The following RSRC1 variants were observed in gnomAD, a reference collection of about 807,000 sequenced individuals.
The protein encoded by RSRC1 is serine/Arginine-related protein 53.
In RSRC1, 39 loss-of-function variants were observed where a neutral mutation model predicts 49.1. That is an observed-to-expected ratio of 0.79 (90% CI 0.61 to 1.04). RSRC1 has a LOEUF of 1.04. RSRC1 is among the 50% of genes least tolerant of loss of function. The probability of loss-of-function intolerance (pLI) is 0.00; values close to 1 mark genes in which losing one functional copy is unlikely to be tolerated. For missense variants in RSRC1, 388 were observed against 402.4 expected (o/e 0.96, Z 0.31); for synonymous variants, 143 against 130.8 (o/e 1.09, Z -0.63).
chr3:158,207,670 G>GATAGATAGATAGATAGAT (rs1559943262), intron 4 of RSRC1, among the ~76,000 whole-genome samples: 3 of 67,160 alleles, frequency 4.5e-5, no homozygotes, highest in Non-Finnish European at 2.9e-5. Context: ...GATAGACAGA[G>GATAGATAGATAGATAGAT]AGACAGACAG....
In RSRC1 at chr3:158,296,222, A is replaced by G. The variant is rs1173571354; in HGVS notation, c.495-1817A>G. 2.6e-5 allele frequency among the ~76,000 whole-genome samples: 4 copies of G among 152,250 alleles called. No homozygotes were observed. The South Asian group carries it at 8.3e-4, about 32-fold the overall frequency. ...AGAAAGCGAAGTAGATGTGTATTAT[A>G]TAGCACAGACTCTAAGATAGATTGC... On this transcript the variant is annotated intron_variant, in intron 4 of 9. Coordinates refer to ENST00000611884, the MANE Select transcript of RSRC1 (RefSeq NM_001271838.2).
intron 4 of RSRC1, among the ~76,000 whole-genome samples, chr3:158,269,387 C>G (rs891849044): frequency 1.2e-4 from 18 of 152,098 alleles, no homozygotes; most frequent in Admixed American, 1.2e-3. Flanking sequence ...TTATCATATT[C>G]TCAAATTTTG....
At chr3:158,188,309 A>G (rs929661550) in intron 3 of RSRC1, among the ~76,000 whole-genome samples, 6 of 152,002 alleles carry the variant, frequency 3.9e-5, no homozygotes, top group African/African-American at 1.4e-4. Context: ...TTTGTAGATT[A>G]GAACTCATCA....
chr3:158,375,367 T>C (rs1357690672), intron 6 of RSRC1, among the ~76,000 whole-genome samples: 1 of 141,922 alleles, frequency 7.0e-6, no homozygotes, highest in Non-Finnish European at 1.5e-5. Context: ...TTTCATATCC[T>C]TTTTTTTTTT....
intron 5 of RSRC1, among the ~76,000 whole-genome samples, chr3:158,311,547 A>C (rs556918917): frequency 1.3e-5 from 2 of 152,112 alleles, no homozygotes; most frequent in South Asian, 4.2e-4. Flanking sequence ...TTTTTAAAAA[A>C]TACAGCCCTC....
intron 6 of RSRC1, among the ~76,000 whole-genome samples, chr3:158,421,930 T>G (rs1353172093): frequency 6.6e-6 from 1 of 151,836 alleles, no homozygotes; most frequent in East Asian, 1.9e-4. Flanking sequence ...GGTTCAGACA[T>G]TATTAAATGT....
intron 5 of RSRC1, among the ~76,000 whole-genome samples, chr3:158,350,179 A>T (rs201708845): frequency 0.015 from 1,864 of 126,506 alleles, 44 homozygotes; most frequent in African/African-American, 0.052. Context: ...TATATATATA[A>T]TTTTTTTTTT....
chr3:158,246,459 G>GT (rs1422311956), intron 4 of RSRC1, among the ~76,000 whole-genome samples: 2 of 151,818 alleles, frequency 1.3e-5, no homozygotes, highest in Non-Finnish European at 1.5e-5. Flanking sequence ...ATGCTAACTG[G>GT]TTTTTTTGCA....
At chr3:158,479,300 A>G (rs1738516483) in intron 7 of RSRC1, among the ~76,000 whole-genome samples, 1 of 150,494 alleles carries the variant, frequency 6.6e-6, no homozygotes, top group African/African-American at 2.4e-5. Flanking sequence ...AAAATAATAT[A>G]TGGATATATG....
chr3:158,492,273 A>G (rs1042260052), intron 7 of RSRC1, among the ~76,000 whole-genome samples: 4 of 152,220 alleles, frequency 2.6e-5, no homozygotes, highest in Non-Finnish European at 2.9e-5. Context: ...ACAATTCAAA[A>G]TGAGATTCAG....
intron 6 of RSRC1, among the ~76,000 whole-genome samples, chr3:158,379,324 C>T (rs890490618): frequency 6.6e-6 from 1 of 151,472 alleles, no homozygotes; most frequent in Non-Finnish European, 1.5e-5. Flanking sequence ...CCTCAGCCTC[C>T]TGAGTAGCTG....
intron 7 of RSRC1, among the ~76,000 whole-genome samples, chr3:158,498,253 C>T (rs1338203752): frequency 5.3e-5 from 8 of 150,234 alleles, no homozygotes; most frequent in Non-Finnish European, 1.5e-5. Flanking sequence ...TTTTTATGGC[C>T]GTTCTTGCAG....
intron 3 of RSRC1, among the ~76,000 whole-genome samples, chr3:158,176,308 G>C (rs1251087195): frequency 6.6e-6 from 1 of 152,060 alleles, no homozygotes; most frequent in African/African-American, 2.4e-5. Flanking sequence ...CTACTTTAAA[G>C]TCCATATGGA....
At chr3:158,401,218 A>G (rs527826598) in intron 6 of RSRC1, among the ~76,000 whole-genome samples, 2 of 152,124 alleles carry the variant, frequency 1.3e-5, no homozygotes, top group African/African-American at 4.8e-5. Flanking sequence ...CCCCATCATT[A>G]AGAGACACAT....
At chr3:158,157,581 C>T (rs1717953241) in intron 3 of RSRC1, among the ~76,000 whole-genome samples, 1 of 152,048 alleles carries the variant, frequency 6.6e-6, no homozygotes, top group Admixed American at 6.6e-5. Context: ...TTCAGAGACC[C>T]CGAGGTTCTG....
chr3:158,193,681 CA>C (rs1720371233), intron 3 of RSRC1, among the ~76,000 whole-genome samples: 1 of 151,858 alleles, frequency 6.6e-6, no homozygotes, highest in Non-Finnish European at 1.5e-5. Flanking sequence ...GATTATTGCT[CA>C]AAGATTTTAG....
intron 7 of RSRC1, among the ~76,000 whole-genome samples, chr3:158,529,738 A>G (rs1181972725): frequency 6.6e-6 from 1 of 151,994 alleles, no homozygotes; most frequent in Non-Finnish European, 1.5e-5. Flanking sequence ...GTGGACATAT[A>G]TACACCAGAA....
At chr3:158,212,541 T>G (rs1442581496) in intron 4 of RSRC1, among the ~76,000 whole-genome samples, 1 of 151,974 alleles carries the variant, frequency 6.6e-6, no homozygotes, top group African/African-American at 2.4e-5. Flanking sequence ...TTTTCATGCC[T>G]AGTCTAATTT....
chr3:158,341,442 T>C (rs1238828729), intron 5 of RSRC1, among the ~76,000 whole-genome samples: 1 of 152,176 alleles, frequency 6.6e-6, no homozygotes, highest in Non-Finnish European at 1.5e-5. Context: ...CAGCTCGGGC[T>C]GTAGCTTCAG....
Sources: gnomAD v4.1 joint callset for allele counts (sites outside exome capture counted in the v4.1 genomes callset) on GRCh38, gnomAD v4.1.1 for gene constraint, MANE v1.5 for transcripts, NCBI Gene and HGNC (gene_info 2026-07-23, HGNC 2026-07-21) for gene names.